The following LIN7A variants were observed in gnomAD, a reference collection of about 807,000 sequenced individuals.
The protein encoded by LIN7A is protein lin-7 homolog A.
Under a neutral mutation model 29.8 loss-of-function variants are expected in LIN7A, and 25 were observed. The ratio of observed to expected loss-of-function variants is 0.84; its 90% CI spans 0.61 to 1.17. The LOEUF (loss-of-function observed/expected upper bound fraction) is 1.17, where lower values mean the gene tolerates loss of function less well. LIN7A is among the 50% of genes most tolerant of loss of function. The probability of loss-of-function intolerance (pLI) is 0.00; values close to 1 mark genes in which losing one functional copy is unlikely to be tolerated. For missense variants in LIN7A, 239 were observed against 287.0 expected (o/e 0.83, Z 1.21); for synonymous variants, 118 against 107.5 (o/e 1.10, Z -0.60).
chr12:80,821,363 G>A (rs887375094), intron 4 of LIN7A, among the ~76,000 whole-genome samples: 13 of 152,084 alleles, frequency 8.5e-5, no homozygotes, highest in African/African-American at 3.1e-4. Context: ...TTGCACATGT[G>A]CACAGTGCAT....
At chr12:80,906,852 AAAG>A (rs1160163897) in intron 1 of LIN7A, among the ~76,000 whole-genome samples, 1 of 152,130 alleles carries the variant, frequency 6.6e-6, no homozygotes, top group Non-Finnish European at 1.5e-5. Flanking sequence ...GCAAAACAAA[AAAG>A]AACGGAGCTA....
chr12:80,801,688 G>A (rs895197982), intron 5 of LIN7A, among the ~76,000 whole-genome samples: 4 of 151,908 alleles, frequency 2.6e-5, no homozygotes, highest in African/African-American at 9.7e-5. Flanking sequence ...TTTTTGTGGT[G>A]GAAATATTTA....
chr12:80,877,263 C>A (rs1306543943), intron 2 of LIN7A, among the ~76,000 whole-genome samples: 1 of 151,772 alleles, frequency 6.6e-6, no homozygotes, highest in Non-Finnish European at 1.5e-5. Flanking sequence ...ATAGTGATAA[C>A]CTGGAAATAA....
intron 2 of LIN7A, among the ~76,000 whole-genome samples, chr12:80,881,110 T>C (rs1206695469): frequency 6.6e-6 from 1 of 151,644 alleles, no homozygotes; most frequent in Non-Finnish European, 1.5e-5. Flanking sequence ...AGTGCAAATA[T>C]AAGTTTTGGT....
At chr12:80,892,019 A>G (rs1309279011) in intron 1 of LIN7A, among the ~76,000 whole-genome samples, 1 of 152,214 alleles carries the variant, frequency 6.6e-6, no homozygotes, top group African/African-American at 2.4e-5. Context: ...CATCTCCTCA[A>G]CAATGTCTTC....
chr12:80,882,254 G>C (rs1875084204), intron 2 of LIN7A, among the ~76,000 whole-genome samples: 1 of 147,338 alleles, frequency 6.8e-6, no homozygotes, highest in Non-Finnish European at 1.5e-5. Context: ...TATCATCTGT[G>C]AGTAATAACA....
rs1404353653 is a variant in LIN7A at position 80,793,090 on chromosome 12, A to C, written c.*4637T>G. 1 of 152,198 alleles carries C rather than the reference A, an allele frequency of 6.6e-6. No individual in the cohort carries two copies. The highest frequency in any genetic ancestry group is 1.5e-5 in the Non-Finnish European group (1 of 68,022). 9.4% of individuals were successfully genotyped at this position (152,198 alleles called of 1,614,324 possible). On this transcript the variant is annotated 3_prime_UTR_variant, in exon 6 of 6. Coordinates refer to ENST00000552864, the MANE Select transcript of LIN7A (RefSeq NM_004664.4). The stretch of plus-strand genomic sequence containing the variant: ...GTCCCCCAAACCACAGATAATGATT[A>C]GACACATGAACTCTTGTGTCAGATT...
rs1870448216 is a variant in LIN7A, at chr12:80,796,356, T to A, written c.*1371A>T. The A allele has an allele frequency of 6.6e-6, 1 of 152,178 alleles. No individual in the cohort carries two copies. The highest frequency in any genetic ancestry group is 1.5e-5 in the Non-Finnish European group (1 of 68,022). The allele number at this position is 152,178 out of a possible 1,614,324, so 9.4% of individuals were successfully genotyped here. A position where few individuals can be genotyped will look rare whatever the true frequency, so the allele number is the denominator to read the frequency against. ...TTCAAATGCCCAAACAATTATTGCT[T>A]CCTATTTATTTCATAAAGTAAAATC... On this transcript the variant is annotated 3_prime_UTR_variant, in exon 6 of 6. Transcript: ENST00000552864.
intron 4 of LIN7A, among the ~76,000 whole-genome samples, chr12:80,838,830 C>A (rs1872690187): frequency 6.6e-6 from 1 of 152,290 alleles, no homozygotes; most frequent in South Asian, 2.1e-4. Context: ...CCTCTTCATG[C>A]AAGCATCTGC....
At chr12:80,835,483 AC>A (rs1211037797) in intron 4 of LIN7A, among the ~76,000 whole-genome samples, 10 of 152,270 alleles carry the variant, frequency 6.6e-5, no homozygotes, top group African/African-American at 2.2e-4. Flanking sequence ...TTAATGGGGG[AC>A]TTTTATTGTC....
Position 80,910,697 on chromosome 12 carries a change from T to C in LIN7A, c.83-21328A>G, listed in dbSNP as rs368081214. ...TTTAAAATATGTTAAACCATACTTA[T>C]CTTCTTGGAATAAACTCCACTTGAT... On this transcript the variant is annotated intron_variant, in intron 1 of 5. Coordinates refer to ENST00000552864, the MANE Select transcript of LIN7A (RefSeq NM_004664.4). 2.4e-4 allele frequency among the ~76,000 whole-genome samples: 36 copies of C among 152,330 alleles called. 3 individuals are homozygous for C. The highest frequency in any genetic ancestry group is 8.4e-4 in the African/African-American group (35 of 41,592).
intron 2 of LIN7A, among the ~76,000 whole-genome samples, chr12:80,860,331 G>A (rs897992245): frequency 5.9e-5 from 9 of 152,160 alleles, no homozygotes; most frequent in Non-Finnish European, 1.0e-4. Context: ...CAGAAAAATT[G>A]ACATCAATGA....
chr12:80,911,684 C>T (rs1195705300), intron 1 of LIN7A, among the ~76,000 whole-genome samples: 4 of 152,114 alleles, frequency 2.6e-5, no homozygotes, highest in Non-Finnish European at 5.9e-5. Context: ...TTTGAAATGG[C>T]TTGTTCAACA....
At chr12:80,933,452 T>A (rs1383223312) in intron 1 of LIN7A, among the ~76,000 whole-genome samples, 1 of 152,176 alleles carries the variant, frequency 6.6e-6, no homozygotes, top group Non-Finnish European at 1.5e-5. Flanking sequence ...CAAAACGTAG[T>A]TTAAATTTTG....
chr12:80,883,014 A>T (rs1201177663), intron 2 of LIN7A, among the ~76,000 whole-genome samples: 1 of 152,056 alleles, frequency 6.6e-6, no homozygotes, highest in Non-Finnish European at 1.5e-5. Flanking sequence ...TTATATTACA[A>T]TAAGCTATGA....
intron 4 of LIN7A, among the ~76,000 whole-genome samples, chr12:80,829,095 T>C (rs1231426536): frequency 6.6e-6 from 1 of 152,134 alleles, no homozygotes; most frequent in Non-Finnish European, 1.5e-5. Flanking sequence ...CCAAAGAAGG[T>C]GGGACAAAGC....
chr12:80,809,349 C>A lies in LIN7A; in HGVS notation c.*2116G>T, dbSNP rs531962191. Among the ~76,000 whole-genome samples, 3 of 152,300 alleles carry A rather than the reference C, an allele frequency of 2.0e-5. No homozygotes were observed. In the South Asian group the frequency reaches 6.2e-4, roughly 32 times the overall value. ...TATTTCTGTTTGTGCAAATAGTAATCTGATGTTGAATGACCTAAAACCACT... is the reference window on the plus strand; with the variant it reads ...TATTTCTGTTTGTGCAAATAGTAATATGATGTTGAATGACCTAAAACCACT... On this transcript the variant is annotated intron_variant, in intron 5 of 5. Transcript: ENST00000552864.
chr12:80,817,489 G>A (rs1388153728), intron 4 of LIN7A, among the ~76,000 whole-genome samples: 1 of 152,154 alleles, frequency 6.6e-6, no homozygotes, highest in East Asian at 1.9e-4. Context: ...GACAACAAGA[G>A]TTGGCTAGAC....
rs562257457 is a variant in LIN7A at position 80,840,162 on chromosome 12, A to T, written c.483+5568T>A. Reference sequence around the variant, plus strand: ...TCTTGCTTTATAAAAATAAATAAATAATTATAGATTTAAGAGAAGTTGAAA... The same window carrying T: ...TCTTGCTTTATAAAAATAAATAAATTATTATAGATTTAAGAGAAGTTGAAA... On this transcript the variant is annotated intron_variant, in intron 4 of 5. Transcript: ENST00000552864. Among the ~76,000 whole-genome samples the T allele has an allele frequency of 6.5e-4, 99 of 152,300 alleles. 2 individuals carry two copies. Among genetic ancestry groups the T allele is most frequent in the Admixed American group, 1.0e-3 (16 of 15,296 alleles).
Sources: gnomAD v4.1 joint callset for allele counts (sites outside exome capture counted in the v4.1 genomes callset) on GRCh38, gnomAD v4.1.1 for gene constraint, MANE v1.5 for transcripts, NCBI Gene and HGNC (gene_info 2026-07-23, HGNC 2026-07-21) for gene names.